ITGA9: variants seen among roughly 807,000 people sequenced by gnomAD.
ITGA9 encodes the protein integrin subunit alpha 9, also known as integrin alpha-9.
ITGA9 carries 56 observed loss-of-function variants against 127.8 expected under a neutral mutation model. That is an observed-to-expected ratio of 0.44 (90% CI 0.35 to 0.55). The LOEUF (loss-of-function observed/expected upper bound fraction) is 0.55, where lower values mean the gene tolerates loss of function less well. Among genes scored for constraint, ITGA9 ranks in the 20% least tolerant of loss-of-function variants. The pLI is 0.00. For synonymous variants in ITGA9, 508 were observed against 514.5 expected (o/e 0.99, Z 0.17); for missense variants, 1,196 against 1,347.1 (o/e 0.89, Z 1.76).
chr3:37,724,967 G>T (rs1701231061), intron 18 of ITGA9, among the ~76,000 whole-genome samples: 1 of 152,088 alleles, frequency 6.6e-6, no homozygotes, highest in South Asian at 2.1e-4. Flanking sequence ...GCTTATACTT[G>T]ATCTTTGTAT....
intron 23 of ITGA9, among the ~76,000 whole-genome samples, chr3:37,769,242 G>T (rs1483439879): frequency 1.3e-5 from 2 of 151,652 alleles, no homozygotes; most frequent in South Asian, 2.1e-4. Flanking sequence ...GGAGGCTGAG[G>T]CAGGAGAATC....
chr3:37,541,791 C>T (rs1042964241), intron 14 of ITGA9, among the ~76,000 whole-genome samples: 3 of 152,178 alleles, frequency 2.0e-5, no homozygotes, highest in Non-Finnish European at 4.4e-5. Flanking sequence ...ATGTAAACTA[C>T]CTGAAGGCAG....
In ITGA9 at chr3:37,676,333, G is replaced by A. The variant is rs1700682164; in HGVS notation, c.1917-7532G>A. ...TTAATTCAGACCAGCCACATTTTAA[G>A]CGCTCAAATGCCACATGTTATCTGT... On this transcript the variant is annotated intron_variant, in intron 17 of 27. Coordinates refer to ENST00000264741, the MANE Select transcript of ITGA9 (RefSeq NM_002207.3). Among the ~76,000 whole-genome samples the A allele has an allele frequency of 2.6e-5, 4 of 152,288 alleles. No homozygotes were observed. In the South Asian group the frequency reaches 8.3e-4, roughly 32 times the overall value.
intron 25 of ITGA9, among the ~76,000 whole-genome samples, chr3:37,781,446 C>A (rs774727177): frequency 6.6e-6 from 1 of 152,144 alleles, no homozygotes; most frequent in Non-Finnish European, 1.5e-5. Flanking sequence ...ACCCATGAGT[C>A]CTAGTTTAAA....
At chr3:37,588,467 G>A (rs1019332071) in intron 15 of ITGA9, among the ~76,000 whole-genome samples, 3 of 152,182 alleles carry the variant, frequency 2.0e-5, no homozygotes, top group African/African-American at 7.2e-5. Context: ...CTCACTCATG[G>A]TGCACTTTAC....
chr3:37,626,399 C>T (rs755621169), intron 15 of ITGA9, among the ~76,000 whole-genome samples: 13 of 152,170 alleles, frequency 8.5e-5, no homozygotes, highest in Non-Finnish European at 1.0e-4. Flanking sequence ...GTGGCTCACA[C>T]TTTTAATCCC....
intron 18 of ITGA9, among the ~76,000 whole-genome samples, chr3:37,728,478 G>A (rs1009881594): frequency 3.3e-5 from 5 of 152,220 alleles, no homozygotes; most frequent in East Asian, 1.9e-4. Flanking sequence ...CTGCCAAGAA[G>A]ACATGTGGCT....
At chr3:37,767,448 A>T (rs1348048294) in intron 23 of ITGA9, among the ~76,000 whole-genome samples, 1 of 152,208 alleles carries the variant, frequency 6.6e-6, no homozygotes, top group Non-Finnish European at 1.5e-5. Context: ...AGACATCTAG[A>T]GTTAAAGTTA....
At chr3:37,476,835 A>G (rs1267401335) in intron 3 of ITGA9, among the ~76,000 whole-genome samples, 1 of 152,192 alleles carries the variant, frequency 6.6e-6, no homozygotes, top group Non-Finnish European at 1.5e-5. Context: ...GATAGAGACC[A>G]AATCTACCCA....
At chr3:37,516,899 T>C (rs755069976) in intron 9 of ITGA9, among the ~76,000 whole-genome samples, 2 of 152,064 alleles carry the variant, frequency 1.3e-5, no homozygotes, top group Non-Finnish European at 2.9e-5. Context: ...CCCCTCCCTC[T>C]GTTGGTTAGT....
At position 37,770,762 on chromosome 3, in the gene ITGA9, G is replaced by A. The variant is rs1400076020; in HGVS notation, c.2542-6630G>A. Among the ~76,000 whole-genome samples the A allele has an allele frequency of 3.3e-5, 5 of 152,266 alleles. No homozygotes were observed. The South Asian group carries it at 8.3e-4, about 25-fold the overall frequency. ...GATTCTTTATCCTCTCACAGGCCTG[G>A]CACCGTGGTGGCTTCTGACCATGAC... On this transcript the variant is annotated intron_variant, in intron 23 of 27. Coordinates refer to ENST00000264741, the MANE Select transcript of ITGA9 (RefSeq NM_002207.3).
intron 15 of ITGA9, among the ~76,000 whole-genome samples, chr3:37,572,105 T>A (rs1699607577): frequency 6.6e-6 from 1 of 152,034 alleles, no homozygotes; most frequent in South Asian, 2.1e-4. Flanking sequence ...TGCCACCTCC[T>A]GGATCCTGCC....
At chr3:37,658,063 A>G in intron 17 of ITGA9, among the ~76,000 whole-genome samples, 1 of 151,450 alleles carries the variant, frequency 6.6e-6, no homozygotes, top group East Asian at 1.9e-4. Context: ...AGAGACTGTT[A>G]TGATTTCTGT....
In ITGA9 at chr3:37,523,530, G is replaced by A. The variant is rs775992383; in HGVS notation, c.1246G>A (p.Gly416Arg). ...IVPQYSMKLS[G>R]QKINPVLRMF... Reference sequence around the variant, plus strand: ...CTATTATCTGTTTCAGAAACTGTCTGGGCAGAAGATAAATCCAGTGCTCCG... The same window carrying A: ...CTATTATCTGTTTCAGAAACTGTCTAGGCAGAAGATAAATCCAGTGCTCCG... The change falls in exon 12 of 28, where the codon GGG becomes AGG. Residue 416 changes from glycine to arginine, a missense_variant. By Grantham distance (125) the Gly-to-Arg change is moderately radical (BLOSUM62 -2). Transcript: ENST00000264741. The A allele has an allele frequency of 5.0e-6, 8 of 1,613,560 alleles. No individual in the cohort carries two copies. The highest frequency in any genetic ancestry group is 6.8e-6 in the Non-Finnish European group (8 of 1,179,618).
chr3:37,733,629 A>G (rs1696324637), intron 19 of ITGA9, among the ~76,000 whole-genome samples: 1 of 151,270 alleles, frequency 6.6e-6, no homozygotes, highest in Non-Finnish European at 1.5e-5. Context: ...AGTATCTAGT[A>G]GCTATTTGTA....
intron 11 of ITGA9, among the ~76,000 whole-genome samples, chr3:37,520,795 A>T (rs993897278): frequency 6.6e-6 from 1 of 152,160 alleles, no homozygotes; most frequent in Non-Finnish European, 1.5e-5. Flanking sequence ...GTGACAAGCT[A>T]AAAGTCACCC....
At chr3:37,736,189 A>G (rs1696359171) in intron 19 of ITGA9, among the ~76,000 whole-genome samples, 1 of 152,162 alleles carries the variant, frequency 6.6e-6, no homozygotes, top group Admixed American at 6.5e-5. Context: ...TCCACATACC[A>G]TCACATAGGG....
chr3:37,512,121 T>TTCC (rs1559524816), intron 8 of ITGA9, among the ~76,000 whole-genome samples: 7 of 12,788 alleles, frequency 5.5e-4, no homozygotes, highest in African/African-American at 8.6e-4. Context: ...TCCTTCCTTC[T>TTCC]TTCTTTTCTT....
chr3:37,781,149 G>C lies in ITGA9; in HGVS notation c.2787+1128G>C, dbSNP rs558456702. Among the ~76,000 whole-genome samples the C allele has an allele frequency of 2.6e-5, 4 of 152,322 alleles. No individual in the cohort carries two copies. In the East Asian group the frequency reaches 7.7e-4, roughly 29 times the overall value. On this transcript the variant is annotated intron_variant, in intron 25 of 27. Coordinates refer to ENST00000264741, the MANE Select transcript of ITGA9 (RefSeq NM_002207.3). ...TGCATCAGAATCACCTGGAGATCTT[G>C]TTCAAACACAGATTCCTTTGGGGTG... is the stretch of plus-strand genomic sequence containing the variant.
Sources: gnomAD v4.1 joint callset for allele counts (sites outside exome capture counted in the v4.1 genomes callset) on GRCh38, gnomAD v4.1.1 for gene constraint, MANE v1.5 for transcripts, NCBI Gene and HGNC (gene_info 2026-07-23, HGNC 2026-07-21) for gene names.